LINGO2: variants seen among roughly 807,000 people sequenced by gnomAD.
LINGO2 encodes leucine-rich repeat and immunoglobulin-like domain-containing nogo receptor-interacting protein 2.
In LINGO2, 14 loss-of-function variants were observed where a neutral mutation model predicts 30.6. That is an observed-to-expected ratio of 0.46 (90% CI 0.30 to 0.72). LINGO2 has a LOEUF of 0.72. LINGO2 is among the 30% of genes least tolerant of loss of function. LINGO2 has a pLI of 0.07. For synonymous variants in LINGO2, 317 were observed against 288.5 expected (o/e 1.10, Z -1.00); for missense variants, 729 against 751.7 (o/e 0.97, Z 0.35).
chr9:28,185,563 G>A (rs996467794), intron 4 of LINGO2, among the ~76,000 whole-genome samples: 21 of 152,154 alleles, frequency 1.4e-4, no homozygotes, highest in African/African-American at 5.1e-4. Flanking sequence ...TTGTCTAAAT[G>A]CATTTCTCCA....
At position 28,189,274 on chromosome 9, in the gene LINGO2, AG is replaced by A. The variant is rs1235019201; in HGVS notation, c.-87+105933del. Reference sequence around the variant, plus strand: ...AAGGGAGGAAGGAAGGGAGGGAGGAAGGGAGGGAGGGAGGGAGGAAGGAAGG... The same window carrying A: ...AAGGGAGGAAGGAAGGGAGGGAGGAAGGAGGGAGGGAGGGAGGAAGGAAGG... On this transcript the variant is annotated intron_variant, in intron 4 of 5. Coordinates refer to ENST00000379992, the Ensembl canonical transcript of LINGO2. Among the ~76,000 whole-genome samples the A allele has an allele frequency of 3.3e-3, 166 of 50,200 alleles. 7 individuals are homozygous for A. Among genetic ancestry groups the A allele is most frequent in the African/African-American group, 7.7e-3 (99 of 12,850 alleles). The allele number at this position is 50,200 out of a possible 152,430, so 32.9% of individuals were successfully genotyped here. A position where few individuals can be genotyped will look rare whatever the true frequency, so the allele number is the denominator to read the frequency against.
In LINGO2 at chr9:28,029,954, A is replaced by T. The variant is rs150169095; in HGVS notation, c.-86-17549T>A. 1.1e-4 allele frequency among the ~76,000 whole-genome samples: 17 copies of T among 152,330 alleles called. No individual in the cohort carries two copies. In the East Asian group the frequency reaches 3.1e-3, roughly 28 times the overall value. On this transcript the variant is annotated intron_variant, in intron 4 of 5. Coordinates refer to ENST00000379992, the Ensembl canonical transcript of LINGO2. ...AAGATTCCTACTGAAGGAGAGGACAATTCAAGTGAAGAGCGTAAGAAAATG... is the reference window on the plus strand; with the variant it reads ...AAGATTCCTACTGAAGGAGAGGACATTTCAAGTGAAGAGCGTAAGAAAATG...
the LINGO2 span, among the ~76,000 whole-genome samples, chr9:28,840,664 A>G: frequency 6.6e-6 from 1 of 151,942 alleles, no homozygotes; most frequent in Non-Finnish European, 1.5e-5. Flanking sequence ...AGAGAAAAAT[A>G]ACTCACCAAA....
intron 4 of LINGO2, among the ~76,000 whole-genome samples, chr9:28,038,710 C>T (rs1261315058): frequency 1.3e-5 from 2 of 148,556 alleles, no homozygotes; most frequent in African/African-American, 5.0e-5. Flanking sequence ...AAAAAAAAAG[C>T]CTTGCTTATA....
At chr9:28,935,634 T>G in the LINGO2 span, among the ~76,000 whole-genome samples, 1 of 152,074 alleles carries the variant, frequency 6.6e-6, no homozygotes, top group African/African-American at 2.4e-5. Context: ...AAGAAGCAAC[T>G]GTATTTAAAT....
At chr9:28,745,777 A>C in the LINGO2 span, among the ~76,000 whole-genome samples, 1 of 152,040 alleles carries the variant, frequency 6.6e-6, no homozygotes. Flanking sequence ...AAGGTAAGAG[A>C]ATATGGCTTC....
Position 28,055,191 on chromosome 9 carries a change from T to C in LINGO2, c.-86-42786A>G, listed in dbSNP as rs142782244. On this transcript the variant is annotated intron_variant, in intron 4 of 5. Transcript: ENST00000379992. ...CCTTATGTAAATTGGCTTAATTTTT[T>C]AAGTTTCTGCAGACAATTTCTTATG... Among the ~76,000 whole-genome samples, 64 of 152,300 alleles carry C rather than the reference T, an allele frequency of 4.2e-4. No individual in the cohort carries two copies. In the East Asian group the frequency reaches 7.5e-3, roughly 18 times the overall value.
chr9:28,889,681 A>T, the LINGO2 span, among the ~76,000 whole-genome samples: 3 of 152,192 alleles, frequency 2.0e-5, no homozygotes, highest in Non-Finnish European at 4.4e-5. Context: ...TTTTTCTCAT[A>T]TAAAAACAAA....
chr9:28,989,513 G>C, the LINGO2 span, among the ~76,000 whole-genome samples: 3 of 152,112 alleles, frequency 2.0e-5, no homozygotes, highest in Admixed American at 1.3e-4. Flanking sequence ...CTAGAATCTA[G>C]AGCCTTGATT....
intron 3 of LINGO2, among the ~76,000 whole-genome samples, chr9:28,371,318 A>G (rs1325378546): frequency 6.6e-6 from 1 of 152,182 alleles, no homozygotes; most frequent in Non-Finnish European, 1.5e-5. Context: ...AATACCATCA[A>G]TTTAGTGCAT....
At chr9:28,284,444 T>G (rs2134140239) in intron 4 of LINGO2, among the ~76,000 whole-genome samples, 1 of 152,320 alleles carries the variant, frequency 6.6e-6, no homozygotes, top group Admixed American at 6.5e-5. Context: ...ATCCCATTTC[T>G]TCTCCTAATA....
chr9:29,089,543 A>G, the LINGO2 span, among the ~76,000 whole-genome samples: 1 of 152,108 alleles, frequency 6.6e-6, no homozygotes, highest in Non-Finnish European at 1.5e-5. Flanking sequence ...CTTCAACCAA[A>G]TAAACTCCAA....
At chr9:28,848,407 A>ACTG in the LINGO2 span, among the ~76,000 whole-genome samples, 1 of 113,464 alleles carries the variant, frequency 8.8e-6, no homozygotes, top group African/African-American at 3.5e-5. Context: ...GTATATATAT[A>ACTG]TATATATATA....
chr9:28,647,761 T>A (rs1380969857), intron 1 of LINGO2, among the ~76,000 whole-genome samples: 1 of 152,044 alleles, frequency 6.6e-6, no homozygotes, highest in Non-Finnish European at 1.5e-5. Flanking sequence ...CACAATAAAC[T>A]GAACCTTCCA....
the LINGO2 span, among the ~76,000 whole-genome samples, chr9:29,018,694 C>T: frequency 6.6e-6 from 1 of 152,032 alleles, no homozygotes; most frequent in African/African-American, 2.4e-5. Context: ...CAGTCAGCTC[C>T]GAAGTTCTCA....
the LINGO2 span, among the ~76,000 whole-genome samples, chr9:28,986,378 G>T: frequency 6.6e-6 from 1 of 151,940 alleles, no homozygotes; most frequent in Non-Finnish European, 1.5e-5. Flanking sequence ...AATTCCAAAT[G>T]AATTTTACAA....
At chr9:27,976,888 A>G (rs754862620) in intron 5 of LINGO2, among the ~76,000 whole-genome samples, 1 of 152,062 alleles carries the variant, frequency 6.6e-6, no homozygotes, top group Non-Finnish European at 1.5e-5. Flanking sequence ...AATGAACTGG[A>G]CCACTCTCGT....
the LINGO2 span, among the ~76,000 whole-genome samples, chr9:28,965,785 TCAAACA>T: frequency 6.6e-6 from 1 of 152,068 alleles, no homozygotes; most frequent in South Asian, 2.1e-4. Context: ...TCTCCACTGA[TCAAACA>T]CAAAGTAACT....
intron 1 of LINGO2, among the ~76,000 whole-genome samples, chr9:28,627,572 T>C (rs1826738932): frequency 6.6e-6 from 1 of 152,062 alleles, no homozygotes; most frequent in Non-Finnish European, 1.5e-5. Flanking sequence ...CTTATTTCCA[T>C]TCTCTTCTAA....
Sources: gnomAD v4.1 joint callset for allele counts (sites outside exome capture counted in the v4.1 genomes callset) on GRCh38, gnomAD v4.1.1 for gene constraint, MANE v1.5 for transcripts, NCBI Gene and HGNC (gene_info 2026-07-23, HGNC 2026-07-21) for gene names.